Variants in TYW1B observed in about 807,000 individuals in gnomAD.
TYW1B encodes S-adenosyl-L-methionine-dependent tRNA 4-demethylwyosine synthase TYW1B.
In TYW1B, 73 loss-of-function variants were observed where a neutral mutation model predicts 86.9. The ratio of observed to expected loss-of-function variants is 0.84; its 90% confidence interval spans 0.70 to 1.02. TYW1B has a LOEUF of 1.02. TYW1B is among the 50% of genes least tolerant of loss of function. TYW1B has a pLI of 0.00. For missense variants in TYW1B, 637 were observed against 827.4 expected, an observed-to-expected ratio of 0.77 and a Z score of 2.82; for synonymous variants, 248 against 292.8, an observed-to-expected ratio of 0.85 and a Z score of 1.56.
At chr7:72,769,170 G>T in intron 7 of TYW1B, 1 of 431,156 alleles carries the variant, frequency 2.3e-6, no homozygotes, top group Non-Finnish European at 3.7e-6. Flanking sequence ...CATTGGAACT[G>T]TGTTACCATG....
chr7:72,609,799 G>C (rs1256540874), intron 13 of TYW1B, among the ~76,000 whole-genome samples: 1 of 151,908 alleles, frequency 6.6e-6, no homozygotes, highest in Non-Finnish European at 1.5e-5. Flanking sequence ...ACTGGAAAAT[G>C]ACAAGATCTG....
chr7:72,581,119 C>T (rs1226758404), intron 13 of TYW1B, among the ~76,000 whole-genome samples: 4 of 110,660 alleles, frequency 3.6e-5, no homozygotes, highest in Non-Finnish European at 5.5e-5. Flanking sequence ...AGTTCCTGAG[C>T]CCCCTGCATA....
chr7:72,753,276 A>T (rs1787531480), intron 7 of TYW1B, among the ~76,000 whole-genome samples: 1 of 152,142 alleles, frequency 6.6e-6, no homozygotes, highest in East Asian at 1.9e-4. Context: ...TTTTTAAGAC[A>T]AACATTCGCT....
Position 72,772,766 on chromosome 7 carries a change from T to G in TYW1B, c.964+4650A>C, listed in dbSNP as rs1289174393. On this transcript the variant is annotated intron_variant, in intron 7 of 13. Coordinates refer to ENST00000620995, the MANE Select transcript of TYW1B (RefSeq NM_001145440.3). ...TCACAAAAAGACTCTTGCAGGCAAA[T>G]AAGGCAAATGGAGAAATACAGTCTG... Among the ~76,000 whole-genome samples, 9 of 152,130 alleles carry G rather than the reference T, an allele frequency of 5.9e-5. No individual in the cohort carries two copies. The East Asian group carries it at 7.7e-4, about 13-fold the overall frequency.
chr7:72,746,035 T>C (rs1554463768), intron 7 of TYW1B, among the ~76,000 whole-genome samples: 1 of 152,014 alleles, frequency 6.6e-6, no homozygotes, highest in East Asian at 1.9e-4. Context: ...GGCTAGTATT[T>C]GTATTTTTTG....
At chr7:72,675,429 T>G (rs1223074077) in intron 11 of TYW1B, among the ~76,000 whole-genome samples, 2 of 151,538 alleles carry the variant, frequency 1.3e-5, no homozygotes, top group Non-Finnish European at 2.9e-5. Flanking sequence ...ACAGGAAAAC[T>G]TGCAATTTTT....
chr7:72,574,676 A>G lies in TYW1B; in HGVS notation c.*822T>C, dbSNP rs1168368858. 5 of 985,340 alleles carry G rather than the reference A, an allele frequency of 5.1e-6. No homozygotes were observed. Among genetic ancestry groups the G allele is most frequent in the Middle Eastern group, 1.0e-3 (2 of 1,938 alleles). The allele number at this position is 985,340 out of a possible 1,614,324, so 61.0% of individuals were successfully genotyped here. A position where few individuals can be genotyped will look rare whatever the true frequency, so the allele number is the denominator to read the frequency against. On this transcript the variant is annotated 3_prime_UTR_variant, in exon 14 of 14. Transcript: ENST00000620995. ...AAGCAGCGAGGGCCACAGGAGTCAA[A>G]GAAGATGGAGACCCGCCGTCTGGTC...
intron 10 of TYW1B, among the ~76,000 whole-genome samples, chr7:72,705,046 G>T (rs781857644): frequency 6.6e-6 from 1 of 152,082 alleles, no homozygotes; most frequent in South Asian, 2.1e-4. Flanking sequence ...GAATCAGGCC[G>T]TATTTACTTC....
chr7:72,756,958 C>T (rs1554466272), intron 7 of TYW1B, among the ~76,000 whole-genome samples: 2 of 151,946 alleles, frequency 1.3e-5, no homozygotes, highest in Non-Finnish European at 2.9e-5. Context: ...CCTAGGATGG[C>T]AATAATCAAA....
Position 72,709,811 on chromosome 7 carries a change from C to A in TYW1B, c.1370+3810G>T, listed in dbSNP as rs569424837. Among the ~76,000 whole-genome samples, 5 of 152,342 alleles carry A rather than the reference C, an allele frequency of 3.3e-5. No homozygotes were observed. In the South Asian group the frequency reaches 8.3e-4, roughly 25 times the overall value. ...AGAAATTTGCTAATCTTCCTATTAG[C>A]CCAATCCTGCCACCTTACTTCTTCC... On this transcript the variant is annotated intron_variant, in intron 10 of 13. Coordinates refer to ENST00000620995, the MANE Select transcript of TYW1B (RefSeq NM_001145440.3).
chr7:72,668,325 C>A (rs1263717311), intron 11 of TYW1B, among the ~76,000 whole-genome samples: 1 of 152,066 alleles, frequency 6.6e-6, no homozygotes, highest in African/African-American at 2.4e-5. Context: ...GCATATATAT[C>A]AAAAAATGCT....
At position 72,641,122 on chromosome 7, in the gene TYW1B, T is replaced by G. The variant is rs548330387; in HGVS notation, c.1507-12125A>C. ...AATAAAAGGAATTATAAGAAAATAC[T>G]ATGAACAACTATATACCAAAAAAAG... On this transcript the variant is annotated intron_variant, in intron 11 of 13. Transcript: ENST00000620995. Among the ~76,000 whole-genome samples the G allele has an allele frequency of 3.9e-5, 6 of 152,158 alleles. No individual in the cohort carries two copies. The South Asian group carries it at 1.2e-3, about 32-fold the overall frequency.
At chr7:72,626,084 C>T (rs1345383870) in intron 12 of TYW1B, among the ~76,000 whole-genome samples, 5 of 151,696 alleles carry the variant, frequency 3.3e-5, no homozygotes, top group African/African-American at 1.2e-4. Context: ...TTTTCAGCTG[C>T]AGTTTGTATC....
At chr7:72,708,992 T>C (rs1585919318) in intron 10 of TYW1B, among the ~76,000 whole-genome samples, 2 of 152,106 alleles carry the variant, frequency 1.3e-5, no homozygotes, top group East Asian at 3.8e-4. Context: ...GCTAGGAGGG[T>C]TGTCTTATAC....
intron 9 of TYW1B, chr7:72,722,935 C>T (rs1209220097): frequency 1.5e-5 from 11 of 712,102 alleles, no homozygotes; most frequent in Middle Eastern, 3.4e-4. Flanking sequence ...CCACACCCAG[C>T]GCTTCGACCT....
At chr7:72,682,589 T>C (rs1813902238) in intron 11 of TYW1B, among the ~76,000 whole-genome samples, 1 of 152,172 alleles carries the variant, frequency 6.6e-6, no homozygotes, top group Non-Finnish European at 1.5e-5. Flanking sequence ...CTACGAGCCT[T>C]CTAGTTTCCA....
At chr7:72,689,433 G>A (rs567187806) in intron 11 of TYW1B, among the ~76,000 whole-genome samples, 3 of 152,230 alleles carry the variant, frequency 2.0e-5, no homozygotes, top group African/African-American at 7.2e-5. Flanking sequence ...GACAAAATGT[G>A]CATGCTGCAA....
rs782297982 is a variant in TYW1B at position 72,728,962 on chromosome 7, C to A, written c.1083-31G>T. 15 of 1,595,426 alleles carry A rather than the reference C, an allele frequency of 9.4e-6. No homozygotes were observed. In the Admixed American group the frequency reaches 2.4e-4, roughly 25 times the overall value. On this transcript the variant is annotated intron_variant, in intron 8 of 13. Transcript: ENST00000620995. ...AACAAGACGCAAAGTTCTAAAAGACCCTTCTGTAATAAGATCTGGGCTAGT... is the reference window on the plus strand; with the variant it reads ...AACAAGACGCAAAGTTCTAAAAGACACTTCTGTAATAAGATCTGGGCTAGT...
intron 8 of TYW1B, among the ~76,000 whole-genome samples, chr7:72,738,573 G>T (rs1787242538): frequency 6.6e-6 from 1 of 152,082 alleles, no homozygotes; most frequent in Non-Finnish European, 1.5e-5. Context: ...CTACCCACCA[G>T]ATACCAGCAG....
Sources: gnomAD v4.1 joint callset for allele counts (sites outside exome capture counted in the v4.1 genomes callset) on GRCh38, gnomAD v4.1.1 for gene constraint, MANE v1.5 for transcripts, NCBI Gene and HGNC (gene_info 2026-07-23, HGNC 2026-07-21) for gene names.